Variants in CSMD1 observed in about 807,000 individuals in gnomAD.
CSMD1 encodes the protein CUB and sushi domain-containing protein 1.
CSMD1 carries 213 observed loss-of-function variants against 417.5 expected under a neutral mutation model. That is an observed-to-expected ratio of 0.51 (90% CI 0.46 to 0.57). CSMD1 has a LOEUF of 0.57. Among genes scored for constraint, CSMD1 ranks in the 20% least tolerant of loss-of-function variants. The probability of loss-of-function intolerance (pLI) is 0.00; values close to 1 mark genes in which losing one functional copy is unlikely to be tolerated. For missense variants in CSMD1, 6,923 were observed against 4,529.7 expected (o/e 1.53, Z -15.17); for synonymous variants, 2,862 against 1,736.8 (o/e 1.65, Z -16.11).
At chr8:3,377,521 C>T (rs564626420) in intron 18 of CSMD1, among the ~76,000 whole-genome samples, 1 of 152,312 alleles carries the variant, frequency 6.6e-6, no homozygotes, top group South Asian at 2.1e-4. Flanking sequence ...ATCCCTATAG[C>T]ATCTCAATTC....
At chr8:3,088,631 CT>C (rs887865589) in intron 48 of CSMD1, among the ~76,000 whole-genome samples, 1 of 151,502 alleles carries the variant, frequency 6.6e-6, no homozygotes, top group Non-Finnish European at 1.5e-5. Flanking sequence ...GTACCATTTC[CT>C]TTTTTTTAAT....
In CSMD1 at chr8:3,819,173, T is replaced by C. The variant is rs116407057; in HGVS notation, c.819-65131A>G. 9.1e-3 allele frequency among the ~76,000 whole-genome samples: 1,382 copies of C among 152,256 alleles called. 29 individuals are homozygous for C. The highest frequency in any genetic ancestry group is 0.03 in the African/African-American group (1,258 of 41,552). On this transcript the variant is annotated intron_variant, in intron 5 of 69. Coordinates refer to ENST00000635120, the MANE Select transcript of CSMD1 (RefSeq NM_033225.6). ...GGAATCTGACATCAGAGGATGAGTC[T>C]GCCCACAGTGAAACTCAATGTCTCC...
At chr8:4,988,208 T>G (rs77758848) in intron 1 of CSMD1, among the ~76,000 whole-genome samples, 5,257 of 152,318 alleles carry the variant, frequency 0.035, 108 homozygotes, top group Middle Eastern at 0.13. Flanking sequence ...TTATATGCAT[T>G]ACTCTCCGCT....
intron 17 of CSMD1, among the ~76,000 whole-genome samples, chr8:3,395,204 A>G (rs1324209364): frequency 6.6e-6 from 1 of 152,204 alleles, no homozygotes; most frequent in Non-Finnish European, 1.5e-5. Flanking sequence ...AATTTTAAAA[A>G]CATCTTTACA....
rs182219939 is a variant in CSMD1, at chr8:4,256,870, G to T, written c.415+163083C>A. Reference sequence around the variant, plus strand: ...CAAGAGTCACCATCGCATAAAGGGGGAGAATCGCTACTGGACGATGTGGTT... The same window carrying T: ...CAAGAGTCACCATCGCATAAAGGGGTAGAATCGCTACTGGACGATGTGGTT... On this transcript the variant is annotated intron_variant, in intron 3 of 69. Transcript: ENST00000635120. Among the ~76,000 whole-genome samples, 91 of 152,314 alleles carry T rather than the reference G, an allele frequency of 6.0e-4. 1 individual carries two copies. The East Asian group carries it at 0.016, about 28-fold the overall frequency.
intron 10 of CSMD1, among the ~76,000 whole-genome samples, chr8:3,502,305 C>A (rs772985102): frequency 2.9e-4 from 41 of 143,630 alleles, no homozygotes; most frequent in Admixed American, 4.5e-4. Context: ...GAGGAGCTTG[C>A]AGTGAGCTGA....
chr8:3,684,230 A>G (rs1012326747), intron 7 of CSMD1, among the ~76,000 whole-genome samples: 4 of 143,656 alleles, frequency 2.8e-5, no homozygotes, highest in African/African-American at 1.0e-4. Context: ...AACATAATAT[A>G]TAATATATAA....
At position 3,471,268 on chromosome 8, in the gene CSMD1, A is replaced by T. The variant is rs141096135; in HGVS notation, c.1449-2444T>A. On this transcript the variant is annotated intron_variant, in intron 11 of 69. Transcript: ENST00000635120. ...TGTCTCATGGGTTTATTTGCCATTT[A>T]TACGTCTTCTTGAATGAGAGGTCTC... Among the ~76,000 whole-genome samples the T allele has an allele frequency of 1.3e-3, 204 of 152,246 alleles. 2 individuals are homozygous for T. Among genetic ancestry groups the T allele is most frequent in the South Asian group, 7.3e-3 (35 of 4,812 alleles).
chr8:4,512,269 A>G (rs913922862), intron 2 of CSMD1, among the ~76,000 whole-genome samples: 4 of 152,202 alleles, frequency 2.6e-5, no homozygotes, highest in African/African-American at 9.7e-5. Flanking sequence ...TCAGTAAACC[A>G]GAACAAGAGG....
intron 2 of CSMD1, among the ~76,000 whole-genome samples, chr8:4,570,466 T>A (rs867429820): frequency 2.6e-5 from 4 of 152,204 alleles, no homozygotes; most frequent in Middle Eastern, 3.2e-3. Context: ...GAGCTAGCCT[T>A]GCATCCCAGG....
chr8:3,996,042 T>G (rs1044663096), intron 5 of CSMD1, among the ~76,000 whole-genome samples: 8 of 152,216 alleles, frequency 5.3e-5, no homozygotes, highest in African/African-American at 1.9e-4. Context: ...TGCCATAAAG[T>G]GCTACAATGG....
chr8:4,222,587 G>A (rs1045880650), intron 3 of CSMD1, among the ~76,000 whole-genome samples: 9 of 152,290 alleles, frequency 5.9e-5, no homozygotes, highest in East Asian at 1.9e-4. Context: ...TTAAAAATCT[G>A]ATTGTCCGAA....
At chr8:4,044,773 G>C (rs9773977) in intron 3 of CSMD1, among the ~76,000 whole-genome samples, 63,452 of 151,764 alleles carry the variant, frequency 0.42, 13,781 homozygotes, top group Non-Finnish European at 0.48. Context: ...TAGCACCCTA[G>C]CCGTGTAGCA....
At chr8:3,708,840 T>C (rs915868044) in intron 6 of CSMD1, among the ~76,000 whole-genome samples, 3 of 152,206 alleles carry the variant, frequency 2.0e-5, no homozygotes, top group Non-Finnish European at 4.4e-5. Context: ...ACTTCATGTA[T>C]CTATCCTGAC....
chr8:3,534,584 A>G (rs1257270789), intron 10 of CSMD1, among the ~76,000 whole-genome samples: 1 of 147,908 alleles, frequency 6.8e-6, no homozygotes, highest in African/African-American at 2.6e-5. Context: ...TCAGTGACTG[A>G]TCTAAAAGTT....
intron 1 of CSMD1, among the ~76,000 whole-genome samples, chr8:4,938,084 C>T (rs952259338): frequency 2.6e-5 from 4 of 152,102 alleles, no homozygotes; most frequent in South Asian, 2.1e-4. Flanking sequence ...AAAATTTTAT[C>T]CCTTTTAGTA....
intron 50 of CSMD1, among the ~76,000 whole-genome samples, chr8:3,043,547 C>T (rs922849290): frequency 6.6e-6 from 1 of 151,822 alleles, no homozygotes; most frequent in Admixed American, 6.6e-5. Flanking sequence ...CTCATGGTGC[C>T]CAGCATAGAG....
In CSMD1 at chr8:3,272,786, C is replaced by A. The variant is rs1234953923; in HGVS notation, c.4153+11358G>T. Among the ~76,000 whole-genome samples the A allele has an allele frequency of 2.0e-5, 3 of 149,546 alleles. No individual in the cohort carries two copies. In the South Asian group the frequency reaches 6.5e-4, roughly 32 times the overall value. On this transcript the variant is annotated intron_variant, in intron 26 of 69. Transcript: ENST00000635120. ...TGATTTTTGTACATTGATTTTGTATCCTGAGACTTTGCTGAAGTTGCTTAT... is the reference window on the plus strand; with the variant it reads ...TGATTTTTGTACATTGATTTTGTATACTGAGACTTTGCTGAAGTTGCTTAT...
At chr8:4,622,008 A>G (rs1212117805) in intron 2 of CSMD1, among the ~76,000 whole-genome samples, 1 of 152,064 alleles carries the variant, frequency 6.6e-6, no homozygotes, top group East Asian at 1.9e-4. Context: ...GCAAACTACT[A>G]ATGATAGGAA....
Sources: allele counts gnomAD v4.1 joint callset (sites outside exome capture counted in the v4.1 genomes callset), GRCh38; gene constraint gnomAD v4.1.1; transcripts MANE v1.5; gene names NCBI Gene and HGNC (gene_info 2026-07-23, HGNC 2026-07-21).